MTMR3: variants seen among roughly 807,000 people sequenced by gnomAD.
The protein encoded by MTMR3 is phosphatidylinositol-3,5-bisphosphate 3-phosphatase MTMR3.
MTMR3 carries 32 observed loss-of-function variants against 132.4 expected under a neutral mutation model. That is an observed-to-expected ratio of 0.24 (90% CI 0.18 to 0.32). The LOEUF is 0.32. Ranked by LOEUF, MTMR3 falls within the 10% of genes least tolerant of loss-of-function variation. The probability of loss-of-function intolerance (pLI) is 1.00; values close to 1 mark genes in which losing one functional copy is unlikely to be tolerated. For missense variants in MTMR3, 1,216 were observed against 1,489.6 expected, an observed-to-expected ratio of 0.82 and a Z score of 3.02; for synonymous variants, 556 against 550.3, an observed-to-expected ratio of 1.01 and a Z score of -0.14.
At chr22:29,891,997 C>CA (rs1346166099) in intron 1 of MTMR3, among the ~76,000 whole-genome samples, 1 of 151,814 alleles carries the variant, frequency 6.6e-6, no homozygotes, top group Admixed American at 6.6e-5. Context: ...ACTAAAAATA[C>CA]AAAAAATTAG....
At chr22:29,940,827 T>G (rs1286090524) in intron 1 of MTMR3, among the ~76,000 whole-genome samples, 1 of 150,038 alleles carries the variant, frequency 6.7e-6, no homozygotes, top group Non-Finnish European at 1.5e-5. Context: ...TCAAGGAACC[T>G]CAGACTTTGC....
intron 1 of MTMR3, among the ~76,000 whole-genome samples, chr22:29,956,185 C>T (rs1046238424): frequency 7.9e-5 from 12 of 152,172 alleles, no homozygotes; most frequent in African/African-American, 2.7e-4. Flanking sequence ...AGGAACAGGT[C>T]GGTTAGATGT....
intron 19 of MTMR3, chr22:30,023,091 C>T: frequency 5.1e-6 from 2 of 393,650 alleles, no homozygotes; most frequent in Non-Finnish European, 9.4e-6. Flanking sequence ...CCTGACCCCA[C>T]ACTTGTTTTC....
intron 5 of MTMR3, chr22:29,979,353 G>A (rs1312462074): frequency 1.1e-4 from 26 of 242,564 alleles, no homozygotes; most frequent in South Asian, 1.0e-3. Context: ...TTAGCCGGGC[G>A]TGGTGGCAGG....
At chr22:30,001,794 AG>A (rs2067181468) in intron 8 of MTMR3, 2 of 152,150 alleles carry the variant, frequency 1.3e-5, no homozygotes. Context: ...GGTGTTAGGA[AG>A]TTTGTATAGC....
At chr22:30,009,252 C>T (rs1406966933) in intron 12 of MTMR3, 123 bp downstream of exon 12, 21 of 683,218 alleles carry the variant, frequency 3.1e-5, no homozygotes, top group Non-Finnish European at 4.7e-5. Flanking sequence ...CCTTCTGTTT[C>T]TTGGTAATCT....
chr22:29,946,827 A>T (rs1394602275), intron 1 of MTMR3, among the ~76,000 whole-genome samples: 2 of 152,110 alleles, frequency 1.3e-5, no homozygotes, highest in African/African-American at 4.8e-5. Context: ...AAAAGGTAAA[A>T]TTTTAAAAAT....
At chr22:29,963,315 A>T (rs1223588052) in intron 2 of MTMR3, among the ~76,000 whole-genome samples, 1 of 151,402 alleles carries the variant, frequency 6.6e-6, no homozygotes, top group Admixed American at 6.6e-5. Flanking sequence ...ACACCTGGGT[A>T]AAAGCAGTGT....
At chr22:29,889,989 C>T (rs2064763217) in intron 1 of MTMR3, among the ~76,000 whole-genome samples, 1 of 150,974 alleles carries the variant, frequency 6.6e-6, no homozygotes. Flanking sequence ...TCACTGCAGC[C>T]TCTGCCTCCC....
intron 1 of MTMR3, among the ~76,000 whole-genome samples, chr22:29,896,888 CACACACACACACACAT>C (rs1385242642): frequency 2.6e-5 from 4 of 151,094 alleles, no homozygotes; most frequent in South Asian, 4.3e-4. Flanking sequence ...CACACACACA[CACACACACACACACAT>C]ACACACACAC....
intron 1 of MTMR3, among the ~76,000 whole-genome samples, chr22:29,900,982 C>T (rs747951582): frequency 2.0e-5 from 3 of 152,120 alleles, no homozygotes; most frequent in Non-Finnish European, 2.9e-5. Context: ...CCACTGCGTC[C>T]GGCCTAAGCC....
At chr22:29,909,504 T>G (rs1423773266) in intron 1 of MTMR3, among the ~76,000 whole-genome samples, 1 of 152,184 alleles carries the variant, frequency 6.6e-6, no homozygotes, top group Non-Finnish European at 1.5e-5. Context: ...TTACCTTATC[T>G]CTCTGCTCCT....
At chr22:29,986,612 C>T (rs1267496307) in intron 5 of MTMR3, 1 of 979,856 alleles carries the variant, frequency 1.0e-6, no homozygotes, top group Non-Finnish European at 1.2e-6. Context: ...AACAGAAGGC[C>T]AAAAGCTCCT....
At chr22:30,007,038 G>A in intron 9 of MTMR3, 76 bp from the exon 10 acceptor site, 1 of 1,482,860 alleles carries the variant, frequency 6.7e-7, no homozygotes, top group South Asian at 1.2e-5. Context: ...GTTCATTAAG[G>A]CACTTAAAAT....
intron 1 of MTMR3, among the ~76,000 whole-genome samples, chr22:29,892,350 A>T (rs9614100): frequency 0.29 from 44,088 of 151,814 alleles, 7,511 homozygotes; most frequent in East Asian, 0.6. Flanking sequence ...ACATATTTTA[A>T]AAAATTATGT....
intron 1 of MTMR3, among the ~76,000 whole-genome samples, chr22:29,906,234 A>G (rs979552762): frequency 2.7e-5 from 4 of 149,624 alleles, no homozygotes; most frequent in African/African-American, 1.0e-4. Context: ...TCTCACATTT[A>G]TCCATCCATC....
intron 14 of MTMR3, 34 bp from the exon 15 acceptor site, chr22:30,016,494 A>G (rs1466923992): frequency 6.2e-7 from 1 of 1,607,266 alleles, no homozygotes; most frequent in South Asian, 1.1e-5. Context: ...TGCATGCCTG[A>G]TTGCTTAATT....
chr22:29,980,286 A>G (rs1324724099), intron 5 of MTMR3: 1 of 152,110 alleles, frequency 6.6e-6, no homozygotes, highest in African/African-American at 2.4e-5. Flanking sequence ...ATTTATGTCC[A>G]GGAGCAGTTT....
chr22:30,016,312 A>G (rs1444920812), intron 14 of MTMR3: 5 of 513,026 alleles, frequency 9.7e-6, no homozygotes, highest in Admixed American at 7.3e-5. Context: ...GCTAAGAGGA[A>G]TAGGGGCACC....
Sources: gnomAD v4.1 joint callset for allele counts (sites outside exome capture counted in the v4.1 genomes callset) on GRCh38, gnomAD v4.1.1 for gene constraint, MANE v1.5 for transcripts, NCBI Gene and HGNC (gene_info 2026-07-23, HGNC 2026-07-21) for gene names.